Variants in RESF1 observed in about 807,000 individuals in gnomAD.
The protein encoded by RESF1 is retroelement silencing factor 1, also known as gonad expressed transcript.
In RESF1, 65 loss-of-function variants were observed where a neutral mutation model predicts 134.7. That is an observed-to-expected ratio of 0.48 (90% CI 0.40 to 0.59). The LOEUF is 0.59. Among genes scored for constraint, RESF1 ranks in the 20% least tolerant of loss-of-function variants. The pLI is 0.00. For synonymous variants in RESF1, 762 were observed against 702.2 expected (o/e 1.09, Z -1.35); for missense variants, 2,274 against 2,002.7 (o/e 1.14, Z -2.59).
intron 2 of RESF1, among the ~76,000 whole-genome samples, chr12:31,963,048 CAG>C (rs141832331): frequency 0.02 from 3,090 of 151,678 alleles, 120 homozygotes; most frequent in African/African-American, 0.071. Flanking sequence ...GCTCGGGTGA[CAG>C]AGTGAGACTC....
Position 31,985,460 on chromosome 12 carries a change from T to C in RESF1, c.4505T>C (p.Val1502Ala), listed in dbSNP as rs376269350. ...GKSNEKHSSG[V>A]QTSKESLNGL... is the part of the protein sequence containing the mutation. ...TCAAATGAGAAACACAGCAGCGGCGTGCAGACCTCTAAAGAATCATTAAAT... is the reference window on the plus strand; with the variant it reads ...TCAAATGAGAAACACAGCAGCGGCGCGCAGACCTCTAAAGAATCATTAAAT... Residue 1502 changes from valine (V) to alanine (A), a missense_variant, in exon 4 of 6, where the codon GTG becomes GCG. Coordinates refer to ENST00000312561, the MANE Select transcript of RESF1 (RefSeq NM_018169.4). The C allele has an allele frequency of 6.8e-6, 11 of 1,608,724 alleles. No homozygotes were observed. Among genetic ancestry groups the C allele is most frequent in the Non-Finnish European group, 9.3e-6 (11 of 1,178,716 alleles).
chr12:31,978,617 C>A (rs187149159), intron 3 of RESF1, among the ~76,000 whole-genome samples: 3 of 151,944 alleles, frequency 2.0e-5, no homozygotes, highest in Non-Finnish European at 4.4e-5. Flanking sequence ...GCAATCTCAG[C>A]TCATTGCAAC....
chr12:31,985,266 A>G lies in RESF1; in HGVS notation c.4311A>G (p.Ser1437=). ...AGTCTGTAGACACGAAAGCGAGTTC[A>G]TCTAAATTTAGTAGAATTCTAACTC... ...NTKSVDTKAS[S]SKFSRILTPK... is the part of the protein sequence containing the mutation. Residue 1437 remains serine, a synonymous_variant, in exon 4 of 6, where the codon TCA becomes TCG. Transcript: ENST00000312561. 6.2e-7 allele frequency: 1 copy of G among 1,611,658 alleles called. No homozygotes were observed. Among genetic ancestry groups the G allele is most frequent in the Non-Finnish European group, 8.5e-7 (1 of 1,179,476 alleles).
intron 2 of RESF1, among the ~76,000 whole-genome samples, chr12:31,962,097 G>A (rs545098477): frequency 4.6e-5 from 7 of 152,196 alleles, no homozygotes; most frequent in African/African-American, 1.4e-4. Flanking sequence ...TTAGTCGGGC[G>A]TGGTGGCACA....
intron 2 of RESF1, among the ~76,000 whole-genome samples, chr12:31,963,589 T>C (rs567187279): frequency 1.3e-5 from 2 of 152,322 alleles, no homozygotes; most frequent in African/African-American, 4.8e-5. Context: ...AAGCCATTTA[T>C]TCACTCATTT....
At chr12:31,959,706 G>A (rs566786800) in intron 1 of RESF1, 1 of 151,180 alleles carries the variant, frequency 6.6e-6, no homozygotes, top group African/African-American at 2.4e-5. Flanking sequence ...CACCGGAGCT[G>A]GGCCGGGCCG....
At chr12:31,973,351 C>G (rs920550305) in intron 3 of RESF1, among the ~76,000 whole-genome samples, 1 of 151,864 alleles carries the variant, frequency 6.6e-6, no homozygotes, top group Non-Finnish European at 1.5e-5. Context: ...CTCTGTTGCC[C>G]AGGCTGGAGT....
At chr12:31,990,066 A>G (rs4931001) in intron 5 of RESF1, among the ~76,000 whole-genome samples, 18,869 of 152,208 alleles carry the variant, frequency 0.12, 1,249 homozygotes, top group Admixed American at 0.18. Context: ...GGAGTAAGAA[A>G]AAAGCTCCTT....
In RESF1 at chr12:31,984,287, C is replaced by T. The variant is rs1278482909; in HGVS notation, c.3332C>T (p.Ser1111Leu). The change falls in exon 4 of 6, where the codon TCA becomes TTA. Residue 1111 changes from serine to leucine, a missense_variant. Coordinates refer to ENST00000312561, the MANE Select transcript of RESF1 (RefSeq NM_018169.4). The stretch of plus-strand genomic sequence containing the variant: ...CAAATACAAATTACAATATTAAGCT[C>T]AGAGCAAATGAAAGAAATATTTCCT... ...ADQIQITILSSEQMKEIFPEQ... is the reference protein window; with the variant it reads ...ADQIQITILSLEQMKEIFPEQ... 1.9e-6 allele frequency: 3 copies of T among 1,613,808 alleles called. No homozygotes were observed. Among genetic ancestry groups the T allele is most frequent in the Non-Finnish European group, 2.5e-6 (3 of 1,179,962 alleles).
rs1009943776 is a variant in RESF1 at position 31,985,553 on chromosome 12, T to C, written c.4598T>C (p.Leu1533Pro). The change falls in exon 4 of 6, where the codon CTA becomes CCA. Residue 1533 changes from leucine to proline, a missense_variant. Transcript: ENST00000312561. ...HSQESKTYNILRNVKEKVGGK... is the reference protein window; with the variant it reads ...HSQESKTYNIPRNVKEKVGGK... ...CAGGAGTCTAAAACATACAACATTC[T>C]AAGGAATGTTAAAGAAAAAGTTGGT... The C allele has an allele frequency of 6.3e-7, 1 of 1,597,458 alleles. No homozygotes were observed. The highest frequency in any genetic ancestry group is 1.1e-5 in the South Asian group (1 of 87,644).
intron 3 of RESF1, among the ~76,000 whole-genome samples, chr12:31,973,992 C>T (rs572534060): frequency 6.6e-6 from 1 of 152,162 alleles, no homozygotes; most frequent in African/African-American, 2.4e-5. Context: ...TTTTGACCAA[C>T]CTGTTACAAA....
intron 3 of RESF1, among the ~76,000 whole-genome samples, chr12:31,973,330 A>G (rs948837857): frequency 6.6e-6 from 1 of 150,870 alleles, no homozygotes; most frequent in Non-Finnish European, 1.5e-5. Context: ...TTTTTAAGAG[A>G]TGAGGTCACT....
At chr12:31,962,483 T>TA (rs754066733) in intron 2 of RESF1, 11 of 152,210 alleles carry the variant, frequency 7.2e-5, no homozygotes, top group African/African-American at 2.2e-4. Context: ...ATGCAATACT[T>TA]ACACTATTCC....
chr12:31,986,011 A>G (rs1939965407), intron 4 of RESF1, 54 bp downstream of exon 4: 1 of 1,249,824 alleles, frequency 8.0e-7, no homozygotes, highest in Admixed American at 3.1e-5. Context: ...GTCGTAGGTC[A>G]ATATTTGGGC....
Position 31,981,494 on chromosome 12 carries a change from A to C in RESF1, c.539A>C (p.Tyr180Ser). The C allele has an allele frequency of 1.2e-6, 2 of 1,614,132 alleles. No individual in the cohort carries two copies. Among genetic ancestry groups the C allele is most frequent in the Non-Finnish European group, 1.7e-6 (2 of 1,179,986 alleles). Residue 180 changes from tyrosine to serine, a missense_variant, in exon 4 of 6, where the codon TAC becomes TCC. Coordinates refer to ENST00000312561, the MANE Select transcript of RESF1 (RefSeq NM_018169.4). The stretch of plus-strand genomic sequence containing the variant: ...AATTCTACACGACTTCCTGTAGCTT[A>C]CCAAGGAAATCAGGGACTTAACCAG... ...PSNSTRLPVA[Y>S]QGNQGLNQSF...
In RESF1 at chr12:31,984,430, G is replaced by T; in HGVS notation, c.3475G>T (p.Asp1159Tyr). The part of the protein sequence containing the change: ...LQAPAAGQSR[D>Y]SVILDSEKDD... The stretch of plus-strand genomic sequence containing the variant: ...GGCACCTGCAGCTGGACAAAGTCGT[G>T]ATTCTGTGATACTGGACTCTGAGAA... The change falls in exon 4 of 6, where the codon GAT (aspartate) becomes TAT (tyrosine). Residue 1159 changes from aspartate (D) to tyrosine (Y), a missense_variant. Transcript: ENST00000312561. The T allele has an allele frequency of 4.3e-6, 7 of 1,614,186 alleles. No individual in the cohort carries two copies. Among genetic ancestry groups the T allele is most frequent in the Non-Finnish European group, 5.9e-6 (7 of 1,180,024 alleles).
chr12:31,960,263 T>A (rs1300614849), intron 1 of RESF1, among the ~76,000 whole-genome samples: 4 of 152,148 alleles, frequency 2.6e-5, no homozygotes, highest in Admixed American at 2.6e-4. Context: ...TTATTTGTAG[T>A]ACATCGAGTG....
chr12:31,973,894 T>C (rs1318704540), intron 3 of RESF1, among the ~76,000 whole-genome samples: 1 of 152,136 alleles, frequency 6.6e-6, no homozygotes, highest in Non-Finnish European at 1.5e-5. Context: ...AATTACATGT[T>C]GGCATCATCT....
At chr12:31,965,889 CAAAAAAAA>C (rs10665492) in intron 2 of RESF1, among the ~76,000 whole-genome samples, 3 of 114,054 alleles carry the variant, frequency 2.6e-5, no homozygotes, top group Admixed American at 9.2e-5. Flanking sequence ...GACTTCGTCT[CAAAAAAAA>C]AAAAAAAAAA....
Sources: gnomAD v4.1 joint callset for allele counts (sites outside exome capture counted in the v4.1 genomes callset) on GRCh38, gnomAD v4.1.1 for gene constraint, MANE v1.5 for transcripts, NCBI Gene and HGNC (gene_info 2026-07-23, HGNC 2026-07-21) for gene names.